The following MACROD2 variants were observed in gnomAD, a reference collection of about 807,000 sequenced individuals.
MACROD2 encodes mono-ADP ribosylhydrolase 2.
In MACROD2, 36 loss-of-function variants were observed where a neutral mutation model predicts 70.4. That is an observed-to-expected ratio of 0.51 (90% CI 0.39 to 0.68). The LOEUF is 0.68. MACROD2 is among the 30% of genes least tolerant of loss of function. The pLI is 0.00. For synonymous variants in MACROD2, 172 were observed against 178.8 expected (o/e 0.96, Z 0.30); for missense variants, 496 against 538.4 (o/e 0.92, Z 0.78).
At chr20:14,950,258 C>T (rs543265945) in intron 5 of MACROD2, among the ~76,000 whole-genome samples, 1 of 152,258 alleles carries the variant, frequency 6.6e-6, no homozygotes, top group African/African-American at 2.4e-5. Flanking sequence ...CTGGGGTTTT[C>T]AGACTCATGC....
chr20:15,549,904 A>C, intron 8 of MACROD2, among the ~76,000 whole-genome samples: 1 of 151,910 alleles, frequency 6.6e-6, no homozygotes, highest in East Asian at 1.9e-4. Context: ...AGTTTGCGAC[A>C]TTGCTGCTTC....
At chr20:15,674,874 T>C (rs2050035163) in intron 8 of MACROD2, among the ~76,000 whole-genome samples, 1 of 152,188 alleles carries the variant, frequency 6.6e-6, no homozygotes, top group Admixed American at 6.5e-5. Context: ...TTTTTGGAGT[T>C]GAGCCAAGCC....
intron 15 of MACROD2, among the ~76,000 whole-genome samples, chr20:15,999,036 TCTA>T (rs1188412358): frequency 1.3e-5 from 2 of 152,172 alleles, no homozygotes; most frequent in Non-Finnish European, 2.9e-5. Flanking sequence ...ATTTTTTTCT[TCTA>T]CTAATTTGGG....
At chr20:15,892,730 T>G (rs2147223171) in intron 10 of MACROD2, among the ~76,000 whole-genome samples, 1 of 152,346 alleles carries the variant, frequency 6.6e-6, no homozygotes, top group South Asian at 2.1e-4. Context: ...AGCTTAAGCC[T>G]TAAGTTTAAG....
At chr20:16,003,619 C>T (rs533952953) in intron 15 of MACROD2, among the ~76,000 whole-genome samples, 3 of 152,248 alleles carry the variant, frequency 2.0e-5, no homozygotes, top group South Asian at 4.1e-4. Context: ...GCTTTCAGTG[C>T]CCTATCCCTC....
chr20:15,660,923 A>C (rs1049040144), intron 8 of MACROD2, among the ~76,000 whole-genome samples: 8 of 152,232 alleles, frequency 5.3e-5, no homozygotes, highest in Middle Eastern at 3.4e-3. Context: ...GAAAAGAGCA[A>C]CCTCTTTTTT....
intron 5 of MACROD2, among the ~76,000 whole-genome samples, chr20:15,140,992 T>C (rs946653248): frequency 6.6e-6 from 1 of 152,324 alleles, no homozygotes; most frequent in East Asian, 1.9e-4. Context: ...CAGATTCCAT[T>C]TACATGCATT....
chr20:14,871,759 G>T (rs2073490984), intron 5 of MACROD2, among the ~76,000 whole-genome samples: 1 of 152,070 alleles, frequency 6.6e-6, no homozygotes, highest in Non-Finnish European at 1.5e-5. Context: ...TCATAGATAT[G>T]CTATCTTCAA....
chr20:14,474,749 T>G (rs2084570679), intron 3 of MACROD2, among the ~76,000 whole-genome samples: 1 of 152,152 alleles, frequency 6.6e-6, no homozygotes. Context: ...TCACAGTTTT[T>G]GACTTAAAGT....
chr20:14,309,117 C>G (rs1006644783), intron 3 of MACROD2, among the ~76,000 whole-genome samples: 4 of 152,078 alleles, frequency 2.6e-5, no homozygotes, highest in Non-Finnish European at 5.9e-5. Flanking sequence ...TGAAGATCTA[C>G]ATTTGGAAAT....
chr20:14,254,176 C>A (rs8116353), intron 3 of MACROD2, among the ~76,000 whole-genome samples: 57,469 of 151,616 alleles, frequency 0.38, 12,600 homozygotes, highest in African/African-American at 0.58. Flanking sequence ...ATTATTCAGG[C>A]CTGAATTTTG....
Position 15,606,557 on chromosome 20 carries a change from C to T in MACROD2, c.645+106710C>T, listed in dbSNP as rs11698748. Reference sequence around the variant, plus strand: ...AAATCGTATGGTATTTGTGTCCCAACGCACTAATTTTAATGTTGAGAACAG... The same window carrying T: ...AAATCGTATGGTATTTGTGTCCCAATGCACTAATTTTAATGTTGAGAACAG... On this transcript the variant is annotated intron_variant, in intron 8 of 17. Coordinates refer to ENST00000684519, the MANE Select transcript of MACROD2 (RefSeq NM_001351661.2). 2.7e-3 allele frequency among the ~76,000 whole-genome samples: 413 copies of T among 152,246 alleles called. 3 individuals carry two copies. Among genetic ancestry groups the T allele is most frequent in the South Asian group, 0.022 (105 of 4,820 alleles).
intron 12 of MACROD2, among the ~76,000 whole-genome samples, chr20:15,951,813 A>G (rs2065910109): frequency 6.6e-6 from 1 of 152,190 alleles, no homozygotes; most frequent in Non-Finnish European, 1.5e-5. Flanking sequence ...CAATTTACGT[A>G]AATCACCCGT....
At chr20:14,366,212 G>A (rs1419816736) in intron 3 of MACROD2, among the ~76,000 whole-genome samples, 1 of 151,912 alleles carries the variant, frequency 6.6e-6, no homozygotes, top group East Asian at 1.9e-4. Context: ...TGTCTTCCAC[G>A]ATTATTGTAT....
intron 5 of MACROD2, among the ~76,000 whole-genome samples, chr20:14,877,291 T>C (rs1347565004): frequency 1.3e-5 from 2 of 152,202 alleles, no homozygotes; most frequent in African/African-American, 4.8e-5. Context: ...TACTGATTTT[T>C]GTGCATTGAT....
chr20:14,590,817 C>T (rs1981719349), intron 4 of MACROD2, among the ~76,000 whole-genome samples: 1 of 151,888 alleles, frequency 6.6e-6, no homozygotes, highest in African/African-American at 2.4e-5. Flanking sequence ...TAAAGTATGG[C>T]CTTGTGTGAT....
At chr20:15,786,127 T>C (rs1328477054) in intron 8 of MACROD2, among the ~76,000 whole-genome samples, 1 of 148,304 alleles carries the variant, frequency 6.7e-6, no homozygotes, top group East Asian at 2.0e-4. Context: ...AATTAAAGAC[T>C]AAGGAGATGA....
chr20:14,156,414 C>T (rs1324333204), intron 3 of MACROD2, among the ~76,000 whole-genome samples: 1 of 152,144 alleles, frequency 6.6e-6, no homozygotes, highest in Non-Finnish European at 1.5e-5. Flanking sequence ...ATTCATAACC[C>T]ACTATCTTCA....
intron 6 of MACROD2, among the ~76,000 whole-genome samples, chr20:15,342,074 G>GA (rs773874676): frequency 7.9e-5 from 12 of 151,236 alleles, no homozygotes; most frequent in African/African-American, 1.5e-4. Context: ...CCAGTAATAG[G>GA]AAAAAAAATA....
Sources: gnomAD v4.1 joint callset for allele counts (sites outside exome capture counted in the v4.1 genomes callset) on GRCh38, gnomAD v4.1.1 for gene constraint, MANE v1.5 for transcripts, NCBI Gene and HGNC (gene_info 2026-07-23, HGNC 2026-07-21) for gene names.